SEMA4F: variants seen among roughly 807,000 people sequenced by gnomAD.
SEMA4F encodes semaphorin-4F.
SEMA4F carries 51 observed loss-of-function variants against 78.4 expected under a neutral mutation model. The observed-to-expected ratio is 0.65, with a 90% CI of 0.52 to 0.82. SEMA4F has a LOEUF of 0.82. SEMA4F is among the 40% of genes least tolerant of loss of function. The probability of loss-of-function intolerance (pLI) is 0.00; values close to 1 mark genes in which losing one functional copy is unlikely to be tolerated. For missense variants in SEMA4F, 938 were observed against 1,014.4 expected, an observed-to-expected ratio of 0.92 and a Z score of 1.02; for synonymous variants, 418 against 408.7, an observed-to-expected ratio of 1.02 and a Z score of -0.27.
At chr2:74,654,683 C>T (rs780386502) in intron 1 of SEMA4F, among the ~76,000 whole-genome samples, 162 bp downstream of exon 1, 35 of 152,238 alleles carry the variant, frequency 2.3e-4, no homozygotes, top group South Asian at 1.5e-3. Flanking sequence ...CTTCGCACTT[C>T]ACCGCATCCT....
intron 12 of SEMA4F, among the ~76,000 whole-genome samples, chr2:74,678,518 C>T (rs967781153): frequency 1.6e-4 from 24 of 152,212 alleles, no homozygotes; most frequent in African/African-American, 5.5e-4. Context: ...GGAGTTCATA[C>T]TCAGATGAGT....
In SEMA4F at chr2:74,675,313, A is replaced by G; in HGVS notation, c.1301A>G (p.Tyr434Cys). 3 of 1,614,172 alleles carry G rather than the reference A, an allele frequency of 1.9e-6. No individual in the cohort carries two copies. The highest frequency in any genetic ancestry group is 2.5e-6 in the Non-Finnish European group (3 of 1,180,022). The change falls in exon 10 of 14, where the codon TAT (tyrosine) becomes TGT (cysteine). Residue 434 changes from tyrosine to cysteine, a missense_variant. Transcript: ENST00000357877. ...CTGCTGGTCACTACAGATACAGCCTATCTCAGAGTCGTGGCCCACAGGGTG... is the reference window on the plus strand; with the variant it reads ...CTGCTGGTCACTACAGATACAGCCTGTCTCAGAGTCGTGGCCCACAGGGTG... ...HPLLVTTDTA[Y>C]LRVVAHRVTS...
intron 12 of SEMA4F, 68 bp downstream of exon 12, chr2:74,675,977 T>G: frequency 1.3e-6 from 2 of 1,510,850 alleles, no homozygotes; most frequent in Non-Finnish European, 1.8e-6. Context: ...TGTCTACGTT[T>G]CTCATCTGTT....
chr2:74,671,607 T>A (rs975448628), intron 5 of SEMA4F, among the ~76,000 whole-genome samples: 2 of 152,244 alleles, frequency 1.3e-5, no homozygotes, highest in Non-Finnish European at 1.5e-5. Context: ...ATGTCATGAC[T>A]TAAGCATGAA....
Position 74,681,423 on chromosome 2 carries a change from T to G in SEMA4F, c.*1214T>G, listed in dbSNP as rs1685609371. 6.6e-6 allele frequency: 1 copy of G among 152,630 alleles called. No homozygotes were observed. The highest frequency in any genetic ancestry group is 2.4e-5 in the African/African-American group (1 of 41,440). The allele number at this position is 152,630 out of a possible 1,614,324, so 9.5% of individuals were successfully genotyped here. On this transcript the variant is annotated 3_prime_UTR_variant, in exon 14 of 14. Transcript: ENST00000357877. ...TGAGGTTACTGCACTGAGGCCAAGT[T>G]AGGATGGCATCACTCTGTGGCAGCT...
rs752827838 is a variant in SEMA4F, at chr2:74,673,751, T to G, written c.745T>G (p.Phe249Val). The G allele has an allele frequency of 6.2e-7, 1 of 1,614,022 alleles. No individual in the cohort carries two copies. The highest frequency in any genetic ancestry group is 8.5e-7 in the Non-Finnish European group (1 of 1,179,990). Residue 249 changes from phenylalanine to valine, a missense_variant, in exon 7 of 14, where the codon TTC becomes GTC. Transcript: ENST00000357877. Reference sequence around the variant, plus strand: ...TGAAGATGGAGACGACGAAATCTACTTCTTCTTTACGGAGACTTCCCGAGC... The same window carrying G: ...TGAAGATGGAGACGACGAAATCTACGTCTTCTTTACGGAGACTTCCCGAGC... ...GDEDGDDEIY[F>V]FFTETSRAFD...
chr2:74,673,460 G>T lies in SEMA4F; in HGVS notation c.554G>T (p.Gly185Val), dbSNP rs1380123773. Residue 185 changes from glycine to valine, a missense_variant, in exon 6 of 14, where the codon GGG (glycine) becomes GTG (valine). Coordinates refer to ENST00000357877, the MANE Select transcript of SEMA4F (RefSeq NM_004263.5). ...AQRSAAVMAG[G>V]VLYAATVKNY... is the part of the protein sequence containing the mutation. Reference sequence around the variant, plus strand: ...TCTCCTCCCTGTCGCCCTGCAGGGGGGGTCCTCTATGCTGCCACTGTGAAA... The same window carrying T: ...TCTCCTCCCTGTCGCCCTGCAGGGGTGGTCCTCTATGCTGCCACTGTGAAA... The T allele has an allele frequency of 1.2e-6, 2 of 1,613,976 alleles. No individual in the cohort carries two copies. Among genetic ancestry groups the T allele is most frequent in the African/African-American group, 1.3e-5 (1 of 74,910 alleles).
rs148180479 is a variant in SEMA4F at position 74,657,873 on chromosome 2, C to T, written c.378C>T (p.Val126=). Residue 126 remains valine, a synonymous_variant, in exon 4 of 14, where the codon GTC becomes GTT. Transcript: ENST00000357877. ...CCCAGGACGAATGTCACAATTTTGTCCAGATTCTCGCCATTGCCAATGCCT... is the reference window on the plus strand; with the variant it reads ...CCCAGGACGAATGTCACAATTTTGTTCAGATTCTCGCCATTGCCAATGCCT... ...GKKEDECHNF[V]QILAIANASH... 1 of 1,614,212 alleles carries T rather than the reference C, an allele frequency of 6.2e-7. No individual in the cohort carries two copies. Among genetic ancestry groups the T allele is most frequent in the Non-Finnish European group, 8.5e-7 (1 of 1,180,018 alleles).
chr2:74,656,489 C>A, intron 1 of SEMA4F, 45 bp from the exon 2 acceptor site: 1 of 1,592,110 alleles, frequency 6.3e-7, no homozygotes, highest in South Asian at 1.1e-5. Flanking sequence ...TGGACTTGAC[C>A]CTTAGGAAGC....
rs1423629754 is a variant in SEMA4F at position 74,679,258 on chromosome 2, G to A, written c.1644-18G>A. 6.3e-7 allele frequency: 1 copy of A among 1,598,246 alleles called. No homozygotes were observed. The highest frequency in any genetic ancestry group is 8.6e-7 in the Non-Finnish European group (1 of 1,165,506). On this transcript the variant is annotated intron_variant, in intron 12 of 13. Coordinates refer to ENST00000357877, the MANE Select transcript of SEMA4F (RefSeq NM_004263.5). Reference sequence around the variant, plus strand: ...GGAATGTTCACACTGGATTTACCAAGCATTCTCTTCTTTATAGGTTGGTCC... The same window carrying A: ...GGAATGTTCACACTGGATTTACCAAACATTCTCTTCTTTATAGGTTGGTCC...
At chr2:74,656,779 A>C in intron 2 of SEMA4F, 94 bp downstream of exon 2, 22 of 1,201,772 alleles carry the variant, frequency 1.8e-5, no homozygotes, top group East Asian at 3.2e-5. Context: ...ATAATAACTA[A>C]AGATGTAACA....
chr2:74,701,796 A>T, the SEMA4F span, among the ~76,000 whole-genome samples: 12 of 152,352 alleles, frequency 7.9e-5, no homozygotes, highest in East Asian at 2.3e-3. Context: ...GTCACTGAAA[A>T]GAAGCAAGTT....
the SEMA4F span, among the ~76,000 whole-genome samples, chr2:74,693,281 TG>T: frequency 1.3e-5 from 2 of 152,272 alleles, no homozygotes; most frequent in African/African-American, 4.8e-5. Flanking sequence ...TCACATCATT[TG>T]AAAATAATAC....
the SEMA4F span, among the ~76,000 whole-genome samples, chr2:74,693,603 G>GACT: frequency 6.6e-6 from 1 of 152,222 alleles, no homozygotes; most frequent in African/African-American, 2.4e-5. Context: ...GCCTGTGAAT[G>GACT]TCCTAGTGCT....
At chr2:74,699,664 G>A in the SEMA4F span, among the ~76,000 whole-genome samples, 337 of 152,326 alleles carry the variant, frequency 2.2e-3, 2 homozygotes, top group Middle Eastern at 6.8e-3. Flanking sequence ...TTGTTCAAGG[G>A]TAGGTGGAGG....
At chr2:74,669,129 C>G (rs558042810) in intron 5 of SEMA4F, among the ~76,000 whole-genome samples, 5 of 151,938 alleles carry the variant, frequency 3.3e-5, no homozygotes, top group Admixed American at 3.3e-4. Flanking sequence ...AAGGCCCCAT[C>G]TTTAAAAATG....
intron 12 of SEMA4F, among the ~76,000 whole-genome samples, chr2:74,678,778 A>G (rs1412409498): frequency 1.3e-5 from 2 of 152,176 alleles, no homozygotes; most frequent in African/African-American, 4.8e-5. Flanking sequence ...ACCACTATTG[A>G]AGAGTTCCTT....
intron 12 of SEMA4F, among the ~76,000 whole-genome samples, chr2:74,676,867 A>C (rs1685317046): frequency 6.6e-6 from 1 of 152,080 alleles, no homozygotes; most frequent in Non-Finnish European, 1.5e-5. Flanking sequence ...TAAATATTTC[A>C]ATATGTATCT....
downstream of SEMA4F, among the ~76,000 whole-genome samples, chr2:74,686,904 CATT>C (rs534909823): frequency 6.6e-6 from 1 of 151,948 alleles, no homozygotes; most frequent in South Asian, 2.1e-4. Flanking sequence ...GGTGGAATAA[CATT>C]AGGAGAAATA....
Sources: gnomAD v4.1 joint callset for allele counts (sites outside exome capture counted in the v4.1 genomes callset) on GRCh38, gnomAD v4.1.1 for gene constraint, MANE v1.5 for transcripts, NCBI Gene and HGNC (gene_info 2026-07-23, HGNC 2026-07-21) for gene names.